GRM4: variants seen among roughly 807,000 people sequenced by gnomAD.
The protein encoded by GRM4 is metabotropic glutamate receptor 4.
In GRM4, 28 loss-of-function variants were observed where a neutral mutation model predicts 81.7. The observed-to-expected ratio is 0.34, with a 90% CI of 0.25 to 0.47. The LOEUF is 0.47. Among genes scored for constraint, GRM4 ranks in the 20% least tolerant of loss-of-function variants. The pLI is 1.00. For synonymous variants in GRM4, 488 were observed against 528.8 expected (o/e 0.92, Z 1.06); for missense variants, 948 against 1,290.0 (o/e 0.73, Z 4.06).
chr6:34,145,000 C>G (rs1770865087), intron 1 of GRM4, among the ~76,000 whole-genome samples: 1 of 151,980 alleles, frequency 6.6e-6, no homozygotes, highest in South Asian at 2.1e-4. Context: ...GCCACCTCCC[C>G]GAGCCCCGAT....
At chr6:34,123,731 CG>C (rs1561826960) in intron 2 of GRM4, among the ~76,000 whole-genome samples, 2 of 152,188 alleles carry the variant, frequency 1.3e-5, no homozygotes. Context: ...CACAAGGAAA[CG>C]GGGGCACAGA....
Position 34,130,543 on chromosome 6 carries a change from G to T in GRM4, c.519+2435C>A, listed in dbSNP as rs1770194269. 6.6e-6 allele frequency among the ~76,000 whole-genome samples: 1 copy of T among 152,070 alleles called. No individual in the cohort carries two copies. The highest frequency in any genetic ancestry group is 2.4e-5 in the African/African-American group (1 of 41,394). The stretch of plus-strand genomic sequence containing the variant: ...ACCCCAGGCCCCTCACCCCACCCTG[G>T]CCCTTCCCCATGCTGGGAGAGGTTA... On this transcript the variant is annotated intron_variant, in intron 2 of 10. Coordinates refer to ENST00000538487, the MANE Select transcript of GRM4 (RefSeq NM_000841.4). The surrounding 1 kb of genome is among the most constrained non-coding windows in gnomAD (Gnocchi z 4.1).
In GRM4 at chr6:34,133,212, C is replaced by T. The variant is rs761254148; in HGVS notation, c.285G>A (p.Leu95=). The T allele has an allele frequency of 1.2e-6, 2 of 1,613,948 alleles. No homozygotes were observed. Among genetic ancestry groups the T allele is most frequent in the Admixed American group, 1.7e-5 (1 of 60,004 alleles). The change falls in exon 2 of 11, where the codon CTG becomes CTA. Residue 95 remains leucine (L), a synonymous_variant. Transcript: ENST00000538487. The surrounding 1 kb of genome is among the most constrained non-coding windows in gnomAD (Gnocchi z 6.5). ...ALDRINNDPD[L]LPNITLGARI... is the part of the protein sequence containing the mutation. Reference sequence around the variant, plus strand: ...GGGCGCCCAGCGTGATGTTAGGCAGCAGGTCCGGGTCGTTGTTGATGCGAT... The same window carrying T: ...GGGCGCCCAGCGTGATGTTAGGCAGTAGGTCCGGGTCGTTGTTGATGCGAT...
At chr6:34,137,313 G>C (rs965232709) in intron 1 of GRM4, among the ~76,000 whole-genome samples, 143 of 152,240 alleles carry the variant, frequency 9.4e-4, no homozygotes, top group African/African-American at 3.2e-3. Context: ...GGAGGAATGA[G>C]AGCCCTGAGG....
intron 1 of GRM4, among the ~76,000 whole-genome samples, chr6:34,140,616 G>A (rs991109523): frequency 6.6e-6 from 1 of 152,084 alleles, no homozygotes; most frequent in African/African-American, 2.4e-5. Context: ...AGAGCCAGGG[G>A]ACCAGCCACC....
intron 2 of GRM4, among the ~76,000 whole-genome samples, chr6:34,106,579 C>A (rs867328699): frequency 2.0e-5 from 3 of 152,212 alleles, no homozygotes; most frequent in Non-Finnish European, 4.4e-5. Flanking sequence ...GCCACTCCAA[C>A]GTCCATGTTG....
intron 2 of GRM4, among the ~76,000 whole-genome samples, chr6:34,098,289 T>C (rs1291239320): frequency 6.6e-6 from 1 of 152,200 alleles, no homozygotes; most frequent in East Asian, 1.9e-4. Flanking sequence ...GAGATGATAG[T>C]GTCCTCTGAG....
intron 2 of GRM4, among the ~76,000 whole-genome samples, chr6:34,109,131 C>CT (rs1769259185): frequency 6.6e-6 from 1 of 152,206 alleles, no homozygotes; most frequent in Non-Finnish European, 1.5e-5. Flanking sequence ...CCCTTCCTTG[C>CT]TGCTGCCTGG....
chr6:34,155,491 CTG>C, exon 1 of GRM4: 1 of 742,476 alleles, frequency 1.3e-6, no homozygotes, highest in Non-Finnish European at 2.1e-6. Flanking sequence ...TAAAATTTCC[CTG>C]TGTCCAGGCC....
At chr6:34,055,042 C>G (rs142363457) in intron 6 of GRM4, 1 of 152,346 alleles carries the variant, frequency 6.6e-6, no homozygotes, top group East Asian at 1.9e-4. Flanking sequence ...CTTGGTCTCT[C>G]TGACTCTCCA....
intron 6 of GRM4, chr6:34,055,613 C>A (rs1399240814): frequency 1.3e-5 from 2 of 152,246 alleles, no homozygotes; most frequent in Non-Finnish European, 2.9e-5. Flanking sequence ...CACCAGAGCA[C>A]CCCAATGTTA....
chr6:34,103,670 C>A, intron 2 of GRM4: 1 of 1,535,386 alleles, frequency 6.5e-7, no homozygotes, highest in Non-Finnish European at 8.7e-7. Flanking sequence ...AGGGCAGAGG[C>A]CCAGCAAGGA....
At position 34,028,352 on chromosome 6, in the gene GRM4, C is replaced by G; in HGVS notation, c.2457G>C (p.Thr819=). The G allele has an allele frequency of 6.2e-7, 1 of 1,610,632 alleles. No individual in the cohort carries two copies. The highest frequency in any genetic ancestry group is 2.2e-5 in the East Asian group (1 of 44,874). Residue 819 remains threonine (T), a synonymous_variant, in exon 10 of 11, where the codon ACG becomes ACC. Coordinates refer to ENST00000538487, the MANE Select transcript of GRM4 (RefSeq NM_000841.4). ...GACTCACCGAGACCGTCAGCGTCGT[C>G]GTCTGGATGTACAGCTGGCGGAGGG... The part of the protein sequence containing the change: ...SQSADKLYIQ[T]TTLTVSVSLS...
At chr6:34,119,142 T>TCCCA (rs1393651244) in intron 2 of GRM4, among the ~76,000 whole-genome samples, 1 of 152,212 alleles carries the variant, frequency 6.6e-6, no homozygotes, top group Non-Finnish European at 1.5e-5. Context: ...ACGCCTGTAA[T>TCCCA]CCCAGCACTT....
At chr6:34,124,194 C>T (rs1015640077) in intron 2 of GRM4, among the ~76,000 whole-genome samples, 6 of 152,208 alleles carry the variant, frequency 3.9e-5, no homozygotes, top group Non-Finnish European at 8.8e-5. Flanking sequence ...CTCGGACCCA[C>T]ATCTCAAGGT....
At chr6:34,103,507 A>C (rs763463126) in intron 2 of GRM4, 18 of 1,203,986 alleles carry the variant, frequency 1.5e-5, no homozygotes, top group Non-Finnish European at 2.1e-5. Flanking sequence ...CGGGCGAGGG[A>C]GAGCAAACGC....
At chr6:34,143,110 G>C (rs182126021) in intron 1 of GRM4, among the ~76,000 whole-genome samples, 78 of 152,294 alleles carry the variant, frequency 5.1e-4, no homozygotes, top group African/African-American at 1.7e-3. Flanking sequence ...TGCGGGGTGT[G>C]GGGGGGATAA....
chr6:34,040,851 G>A (rs779520109), intron 6 of GRM4, 103 bp from the exon 7 acceptor site: 62 of 947,570 alleles, frequency 6.5e-5, no homozygotes, highest in East Asian at 9.7e-5. Context: ...GAAGTGGCAC[G>A]GCCCATCTGT....
intron 3 of GRM4, among the ~76,000 whole-genome samples, chr6:34,081,709 C>T (rs1346029005): frequency 6.6e-6 from 1 of 152,150 alleles, no homozygotes; most frequent in Non-Finnish European, 1.5e-5. Flanking sequence ...CCCATGTAGG[C>T]CTGAGGTGGG....
Sources: allele counts gnomAD v4.1 joint callset (sites outside exome capture counted in the v4.1 genomes callset), GRCh38; gene constraint gnomAD v4.1.1; non-coding constraint Gnocchi (gnomAD v3.1); transcripts MANE v1.5; gene names NCBI Gene and HGNC (gene_info 2026-07-23, HGNC 2026-07-21).